Variants in NBAS observed in about 807,000 individuals in gnomAD.
NBAS encodes the protein NAG/BC035112 fusion.
Under a neutral mutation model 302.5 loss-of-function variants are expected in NBAS, and 219 were observed. That is an observed-to-expected ratio of 0.72 (90% CI 0.65 to 0.81). The LOEUF is 0.81. Ranked by LOEUF, NBAS falls within the 30% of genes least tolerant of loss-of-function variation. The probability of loss-of-function intolerance (pLI) is 0.00; values close to 1 mark genes in which losing one functional copy is unlikely to be tolerated. For synonymous variants in NBAS, 1,118 were observed against 1,021.6 expected (o/e 1.09, Z -1.80); for missense variants, 2,932 against 2,841.6 (o/e 1.03, Z -0.72).
intron 38 of NBAS, among the ~76,000 whole-genome samples, chr2:15,324,837 C>T (rs951813130): frequency 1.3e-5 from 2 of 152,174 alleles, no homozygotes; most frequent in African/African-American, 2.4e-5. Flanking sequence ...CACAAGAGAA[C>T]GTCACTATTT....
chr2:15,260,616 G>C (rs1452593333), intron 44 of NBAS, among the ~76,000 whole-genome samples: 1 of 152,094 alleles, frequency 6.6e-6, no homozygotes, highest in Non-Finnish European at 1.5e-5. Flanking sequence ...GGTTGAAGGA[G>C]ACAGGCGATT....
intron 38 of NBAS, among the ~76,000 whole-genome samples, chr2:15,321,405 T>C (rs1190015307): frequency 6.6e-6 from 1 of 152,120 alleles, no homozygotes; most frequent in Non-Finnish European, 1.5e-5. Context: ...GGGATCTAAT[T>C]AAACTAAAGA....
At position 15,186,873 on chromosome 2, in the gene NBAS, T is replaced by C. The variant is rs1444370706; in HGVS notation, c.6580A>G (p.Asn2194Asp). 3 of 1,613,994 alleles carry C rather than the reference T, an allele frequency of 1.9e-6. No individual in the cohort carries two copies. The highest frequency in any genetic ancestry group is 2.2e-5 in the East Asian group (1 of 44,870). ...PPMKSEYVITNNPWVRLATVM... is the reference protein window; with the variant it reads ...PPMKSEYVITDNPWVRLATVM... ...GTAGCTAGTCTCACCCATGGATTAT[T>C]GGTTATGCTGGTGTTTATGGAGAAA... The change falls in exon 50 of 52, where the codon AAT becomes GAT. Residue 2194 changes from asparagine to aspartate, a missense_variant. Coordinates refer to ENST00000281513, the MANE Select transcript of NBAS (RefSeq NM_015909.4).
chr2:15,180,636 CG>C (rs1218297965), intron 50 of NBAS, among the ~76,000 whole-genome samples: 1 of 152,184 alleles, frequency 6.6e-6, no homozygotes, highest in African/African-American at 2.4e-5. Context: ...AAGTGATGTG[CG>C]GGGCCCCTTC....
At chr2:14,962,027 G>A in the NBAS span, among the ~76,000 whole-genome samples, 2 of 152,138 alleles carry the variant, frequency 1.3e-5, no homozygotes, top group Non-Finnish European at 2.9e-5. Flanking sequence ...ACCTACCTCA[G>A]CCTCCAAAAC....
intron 6 of NBAS, 27 bp downstream of exon 6, chr2:15,551,466 T>C (rs1664382437): frequency 6.5e-7 from 1 of 1,535,728 alleles, no homozygotes; most frequent in African/African-American, 1.4e-5. Flanking sequence ...GAAATTTTCA[T>C]TCTTTAAATA....
chr2:14,989,360 C>G, the NBAS span, among the ~76,000 whole-genome samples: 1 of 149,572 alleles, frequency 6.7e-6, no homozygotes, highest in Non-Finnish European at 1.5e-5. Context: ...AAGTGCGAGA[C>G]CAGCCTGGCC....
chr2:15,033,805 A>T, the NBAS span, among the ~76,000 whole-genome samples: 1 of 151,878 alleles, frequency 6.6e-6, no homozygotes, highest in South Asian at 2.1e-4. Flanking sequence ...AAAATTAGCC[A>T]GGCATGGTGG....
chr2:14,994,631 G>T, the NBAS span, among the ~76,000 whole-genome samples: 1 of 152,210 alleles, frequency 6.6e-6, no homozygotes, highest in African/African-American at 2.4e-5. Flanking sequence ...CTCACTCTGA[G>T]AGGTCCACCT....
At chr2:14,900,112 C>CT in the NBAS span, among the ~76,000 whole-genome samples, 2,908 of 140,620 alleles carry the variant, frequency 0.021, 52 homozygotes, top group African/African-American at 0.042. Context: ...AAGTCACATG[C>CT]TTTTTTTTTT....
At chr2:14,883,918 A>G in the NBAS span, among the ~76,000 whole-genome samples, 1 of 151,626 alleles carries the variant, frequency 6.6e-6, no homozygotes, top group African/African-American at 2.4e-5. Context: ...CCATCAGTGA[A>G]CCATGATTGC....
At chr2:15,513,383 T>C (rs1360931915) in intron 9 of NBAS, among the ~76,000 whole-genome samples, 1 of 152,186 alleles carries the variant, frequency 6.6e-6, no homozygotes, top group Non-Finnish European at 1.5e-5. Flanking sequence ...ATTATGAGTA[T>C]TACTTGCCCA....
At chr2:14,997,749 T>A in the NBAS span, among the ~76,000 whole-genome samples, 1 of 152,154 alleles carries the variant, frequency 6.6e-6, no homozygotes, top group Non-Finnish European at 1.5e-5. Context: ...GAGTCTATAT[T>A]CCTTGACCAA....
At chr2:15,074,794 A>G in the NBAS span, among the ~76,000 whole-genome samples, 2 of 152,214 alleles carry the variant, frequency 1.3e-5, no homozygotes, top group African/African-American at 2.4e-5. Context: ...TTATATCCAC[A>G]TGAGAAAGCC....
intron 35 of NBAS, among the ~76,000 whole-genome samples, chr2:15,331,718 C>T (rs188126341): frequency 6.6e-6 from 1 of 152,276 alleles, no homozygotes; most frequent in Admixed American, 6.5e-5. Flanking sequence ...ATACTTAAAA[C>T]TCACTCTTTT....
the NBAS span, among the ~76,000 whole-genome samples, chr2:14,895,407 A>G: frequency 6.6e-6 from 1 of 152,248 alleles, no homozygotes; most frequent in Non-Finnish European, 1.5e-5. Flanking sequence ...AGCAAATGCA[A>G]CGAAAACAAA....
chr2:14,934,675 T>G, the NBAS span, among the ~76,000 whole-genome samples: 1 of 152,226 alleles, frequency 6.6e-6, no homozygotes, highest in East Asian at 1.9e-4. Flanking sequence ...TGTGAATTTC[T>G]TTTTTAGTCT....
chr2:15,154,474 A>G, the NBAS span, among the ~76,000 whole-genome samples: 12 of 152,176 alleles, frequency 7.9e-5, no homozygotes, highest in African/African-American at 2.9e-4. Flanking sequence ...TGTTCTGTAG[A>G]GAGCTCTGAC....
intron 47 of NBAS, among the ~76,000 whole-genome samples, chr2:15,231,740 G>T (rs1667391068): frequency 6.6e-6 from 1 of 152,114 alleles, no homozygotes; most frequent in African/African-American, 2.4e-5. Context: ...TGGAATTATG[G>T]GGAGTTTTCT....
Sources: gnomAD v4.1 joint callset for allele counts (sites outside exome capture counted in the v4.1 genomes callset) on GRCh38, gnomAD v4.1.1 for gene constraint, MANE v1.5 for transcripts, NCBI Gene and HGNC (gene_info 2026-07-23, HGNC 2026-07-21) for gene names.